Variants in TPRG1 observed in about 807,000 individuals in gnomAD.
TPRG1 encodes the protein tumor protein p63 regulated 1.
A neutral mutation model predicts 29.3 loss-of-function variants in TPRG1; 29 were observed. That is an observed-to-expected ratio of 0.99 (90% confidence interval 0.74 to 1.35). The LOEUF (loss-of-function observed/expected upper bound fraction) is 1.35, where lower values mean the gene tolerates loss of function less well. Among genes scored for constraint, TPRG1 ranks in the 40% most tolerant of loss-of-function variants. The pLI is 0.00. For synonymous variants in TPRG1, 130 were observed against 116.8 expected (o/e 1.11, Z -0.73); for missense variants, 327 against 335.0 (o/e 0.98, Z 0.19).
intron 3 of TPRG1, among the ~76,000 whole-genome samples, chr3:189,022,490 A>T (rs367939075): frequency 2.1e-4 from 31 of 151,014 alleles, no homozygotes; most frequent in East Asian, 1.2e-3. Flanking sequence ...AGTACCCTGC[A>T]GTGTGAGGTG....
chr3:189,072,887 TACTC>T (rs1716894492), intron 4 of TPRG1, among the ~76,000 whole-genome samples: 1 of 152,194 alleles, frequency 6.6e-6, no homozygotes, highest in South Asian at 2.1e-4. Context: ...TTAATTTCCT[TACTC>T]ACATCGTCCC....
At chr3:189,200,059 C>A (rs914101546) in intron 1 of TPRG1, among the ~76,000 whole-genome samples, 2 of 152,148 alleles carry the variant, frequency 1.3e-5, no homozygotes, top group Non-Finnish European at 2.9e-5. Context: ...AGAGTGAGCA[C>A]CCACATTTCT....
upstream of TPRG1, among the ~76,000 whole-genome samples, chr3:189,167,819 A>G (rs965082858): frequency 1.3e-5 from 2 of 152,154 alleles, no homozygotes; most frequent in African/African-American, 4.8e-5. Context: ...GTATCCAGAG[A>G]GTCTCGAAGT....
intron 4 of TPRG1, among the ~76,000 whole-genome samples, chr3:189,275,418 A>T (rs558109336): frequency 9.9e-4 from 151 of 152,284 alleles, no homozygotes; most frequent in Middle Eastern, 3.4e-3. Flanking sequence ...ACGAATTGAC[A>T]ATAAAGAGAA....
At chr3:189,277,817 G>A (rs566590545) in intron 4 of TPRG1, among the ~76,000 whole-genome samples, 157 of 152,300 alleles carry the variant, frequency 1.0e-3, no homozygotes, top group Middle Eastern at 3.4e-3. Context: ...TTAGCTGGCA[G>A]GATGGAAACT....
upstream of TPRG1, among the ~76,000 whole-genome samples, chr3:189,169,819 G>A (rs947517719): frequency 6.6e-6 from 1 of 152,172 alleles, no homozygotes; most frequent in Non-Finnish European, 1.5e-5. Context: ...AAGGCTTGGG[G>A]AAAACTAAGC....
chr3:189,305,946 C>T (rs147468400), intron 4 of TPRG1, among the ~76,000 whole-genome samples: 8 of 152,270 alleles, frequency 5.3e-5, no homozygotes, highest in Non-Finnish European at 8.8e-5. Flanking sequence ...GAGGCCAGAT[C>T]CAGCTGTTTT....
intron 4 of TPRG1, among the ~76,000 whole-genome samples, chr3:189,068,352 A>G (rs1009080368): frequency 3.9e-5 from 6 of 152,226 alleles, no homozygotes; most frequent in Admixed American, 1.3e-4. Flanking sequence ...TTGAAGAGAT[A>G]ATTGCACTCA....
At chr3:189,233,253 G>A (rs957944475) in intron 3 of TPRG1, among the ~76,000 whole-genome samples, 1 of 152,000 alleles carries the variant, frequency 6.6e-6, no homozygotes, top group African/African-American at 2.4e-5. Context: ...TTTCTTGGAA[G>A]GAAATTATTT....
chr3:189,140,254 T>G (rs918087355), intron 3 of TPRG1, among the ~76,000 whole-genome samples: 2 of 152,200 alleles, frequency 1.3e-5, no homozygotes, highest in Admixed American at 1.3e-4. Context: ...AAGCAGTCTT[T>G]GTGGCTAAAA....
intron 4 of TPRG1, among the ~76,000 whole-genome samples, chr3:189,069,788 A>G (rs1043915268): frequency 3.3e-5 from 5 of 152,210 alleles, no homozygotes; most frequent in Admixed American, 2.0e-4. Flanking sequence ...GAACATACAT[A>G]CTATGGAATA....
chr3:189,080,543 A>G (rs912602591), intron 4 of TPRG1, among the ~76,000 whole-genome samples: 1 of 152,132 alleles, frequency 6.6e-6, no homozygotes, highest in Non-Finnish European at 1.5e-5. Context: ...CCTTGTAGTG[A>G]TACAGAGAGG....
chr3:189,149,793 C>A (rs1725700464), intron 4 of TPRG1, among the ~76,000 whole-genome samples: 1 of 152,154 alleles, frequency 6.6e-6, no homozygotes, highest in Non-Finnish European at 1.5e-5. Flanking sequence ...TTCTTGCCAT[C>A]TGGTAGCTGA....
chr3:189,102,831 C>T (rs568479850), intron 1 of TPRG1, among the ~76,000 whole-genome samples: 123 of 152,198 alleles, frequency 8.1e-4, no homozygotes, highest in African/African-American at 2.8e-3. Context: ...TTTCCTAACA[C>T]TTATTTTGCC....
chr3:189,096,780 C>A (rs1718707125), upstream of TPRG1, among the ~76,000 whole-genome samples: 2 of 152,166 alleles, frequency 1.3e-5, no homozygotes, highest in South Asian at 4.1e-4. Context: ...TATATTCAAT[C>A]TGTAATAATA....
At chr3:189,272,713 C>CTCCA (rs1715395111) in intron 4 of TPRG1, among the ~76,000 whole-genome samples, 1 of 132,412 alleles carries the variant, frequency 7.6e-6, no homozygotes, top group Non-Finnish European at 1.6e-5. Flanking sequence ...TTCTTTCTTT[C>CTCCA]TCCTTCCTTC....
At chr3:189,305,233 G>A (rs1313837403) in intron 4 of TPRG1, among the ~76,000 whole-genome samples, 1 of 152,214 alleles carries the variant, frequency 6.6e-6, no homozygotes, top group Non-Finnish European at 1.5e-5. Flanking sequence ...CTATGCAAGA[G>A]GACCTGTGGC....
rs574352336 is a variant in TPRG1 at position 189,124,337 on chromosome 3, G to T, written c.-743-2720G>T. ...AAAGTGCAAGGGGAGCTCAGAAGGG[G>T]TGACAAAAGCTCCATCCTGTATGGT... On this transcript the variant is annotated intron_variant, in intron 1 of 6. Coordinates refer to the TPRG1 transcript ENST00000412373. Among the ~76,000 whole-genome samples, 4 of 152,220 alleles carry T rather than the reference G, an allele frequency of 2.6e-5. No homozygotes were observed. In the South Asian group the frequency reaches 8.3e-4, roughly 32 times the overall value.
intron 4 of TPRG1, among the ~76,000 whole-genome samples, chr3:189,269,626 A>ATGAT (rs1553935180): frequency 6.6e-6 from 1 of 152,190 alleles, no homozygotes; most frequent in Non-Finnish European, 1.5e-5. Context: ...CCTGTTAATT[A>ATGAT]TGATGTGTTT....
Sources: allele counts gnomAD v4.1 joint callset (sites outside exome capture counted in the v4.1 genomes callset), GRCh38; gene constraint gnomAD v4.1.1; transcripts MANE v1.5; gene names NCBI Gene and HGNC (gene_info 2026-07-23, HGNC 2026-07-21).